CREB5: variants seen among roughly 807,000 people sequenced by gnomAD.
CREB5 encodes the protein cyclic AMP-responsive element-binding protein 5.
CREB5 carries 19 observed loss-of-function variants against 57.1 expected under a neutral mutation model. The observed-to-expected ratio is 0.33, with a 90% CI of 0.23 to 0.49. CREB5 has a LOEUF of 0.49. Among genes scored for constraint, CREB5 ranks in the 20% least tolerant of loss-of-function variants. The pLI is 0.99. For missense variants in CREB5, 579 were observed against 671.6 expected (o/e 0.86, Z 1.52); for synonymous variants, 238 against 238.3 (o/e 1.00, Z 0.01).
intron 5 of CREB5, among the ~76,000 whole-genome samples, chr7:28,586,478 C>A (rs879699025): frequency 1.3e-5 from 2 of 152,330 alleles, no homozygotes; most frequent in Admixed American, 1.3e-4. Context: ...CTCTGGACAG[C>A]CCCCTTCCCT....
At chr7:28,560,855 T>TGCGTGCGTGCGCGTGCGTGCGTGCGCGC (rs1554344299) in intron 4 of CREB5, among the ~76,000 whole-genome samples, 3 of 56,388 alleles carry the variant, frequency 5.3e-5, no homozygotes, top group African/African-American at 7.1e-5. Context: ...CGCGTGTGTG[T>TGCGTGCGTGCGCGTGCGTGCGTGCGCGC]GTGCGTGTGC....
chr7:28,609,737 G>C (rs904915682), intron 5 of CREB5, among the ~76,000 whole-genome samples: 1 of 152,350 alleles, frequency 6.6e-6, no homozygotes, highest in East Asian at 1.9e-4. Flanking sequence ...ATACTGAGCT[G>C]CAAAGGTCGT....
intron 5 of CREB5, among the ~76,000 whole-genome samples, chr7:28,576,114 A>T (rs940199995): frequency 6.6e-6 from 1 of 152,112 alleles, no homozygotes; most frequent in African/African-American, 2.4e-5. Flanking sequence ...TCAGGCAAGC[A>T]TTGTGTCTTA....
intron 5 of CREB5, among the ~76,000 whole-genome samples, chr7:28,661,415 C>T (rs1343454395): frequency 1.3e-5 from 2 of 152,092 alleles, no homozygotes; most frequent in African/African-American, 4.8e-5. Flanking sequence ...TCTCTCATTT[C>T]TCTACCCACC....
intron 1 of CREB5, among the ~76,000 whole-genome samples, chr7:28,406,893 G>T (rs563404363): frequency 2.7e-5 from 4 of 147,044 alleles, no homozygotes; most frequent in South Asian, 2.2e-4. Flanking sequence ...TGGGGTAAAG[G>T]TTCCCTTTTC....
chr7:28,616,678 T>C (rs1797607800), intron 5 of CREB5, among the ~76,000 whole-genome samples: 1 of 152,090 alleles, frequency 6.6e-6, no homozygotes, highest in African/African-American at 2.4e-5. Context: ...AGAGAGGCAG[T>C]TTTTTCTATT....
chr7:28,410,635 G>A (rs762759815), upstream of CREB5: 3 of 442,574 alleles, frequency 6.8e-6, no homozygotes, highest in Non-Finnish European at 9.2e-6. Flanking sequence ...GCTCAAGGCC[G>A]GGGACTGGAG....
At chr7:28,531,022 T>C (rs1347646003) in intron 4 of CREB5, among the ~76,000 whole-genome samples, 1 of 152,156 alleles carries the variant, frequency 6.6e-6, no homozygotes, top group Non-Finnish European at 1.5e-5. Flanking sequence ...TACTGGGGAA[T>C]GTGCTTTTTG....
intron 5 of CREB5, among the ~76,000 whole-genome samples, chr7:28,702,818 T>C (rs1208312648): frequency 6.6e-6 from 1 of 152,120 alleles, no homozygotes; most frequent in Non-Finnish European, 1.5e-5. Flanking sequence ...AAAGAAAATT[T>C]TAAGAAAGAG....
intron 5 of CREB5, among the ~76,000 whole-genome samples, chr7:28,680,765 T>C (rs1282278273): frequency 8.9e-6 from 1 of 111,862 alleles, no homozygotes; most frequent in Admixed American, 9.9e-5. Flanking sequence ...TATCAACCTA[T>C]CTCAAAAAAA....
At chr7:28,353,000 G>T (rs1786264423) in intron 1 of CREB5, among the ~76,000 whole-genome samples, 1 of 152,216 alleles carries the variant, frequency 6.6e-6, no homozygotes, top group Admixed American at 6.5e-5. Flanking sequence ...CAGTTGAAGT[G>T]AAAGAAATGG....
At chr7:28,374,113 A>C (rs1786774077) in intron 1 of CREB5, among the ~76,000 whole-genome samples, 1 of 152,172 alleles carries the variant, frequency 6.6e-6, no homozygotes. Flanking sequence ...TAAGCATATA[A>C]AAAGTGCTTT....
chr7:28,651,907 A>C (rs1799142317), intron 5 of CREB5, among the ~76,000 whole-genome samples: 1 of 152,178 alleles, frequency 6.6e-6, no homozygotes, highest in South Asian at 2.1e-4. Flanking sequence ...GAATCATGAG[A>C]GCTGAATTCC....
intron 7 of CREB5, among the ~76,000 whole-genome samples, chr7:28,744,813 A>G (rs1050056425): frequency 3.9e-5 from 6 of 152,240 alleles, no homozygotes; most frequent in African/African-American, 1.4e-4. Context: ...AATCTTAAAC[A>G]AAATCCTAAC....
intron 5 of CREB5, among the ~76,000 whole-genome samples, chr7:28,706,152 C>T (rs558169011): frequency 1.3e-5 from 2 of 152,134 alleles, no homozygotes; most frequent in Non-Finnish European, 2.9e-5. Context: ...GTCCGGAGTT[C>T]GAGACCAGCT....
chr7:28,680,369 T>C (rs1033676900), intron 5 of CREB5, among the ~76,000 whole-genome samples: 6 of 152,176 alleles, frequency 3.9e-5, no homozygotes, highest in African/African-American at 1.4e-4. Context: ...CTATGCCTTG[T>C]CTTGGCTCCA....
intron 1 of CREB5, among the ~76,000 whole-genome samples, chr7:28,461,824 A>G (rs1230082644): frequency 6.6e-6 from 1 of 152,190 alleles, no homozygotes; most frequent in East Asian, 1.9e-4. Context: ...TTTTTCAAAC[A>G]GGAAAATGGG....
At chr7:28,669,588 TCGG>T (rs1049722531) in intron 5 of CREB5, among the ~76,000 whole-genome samples, 47 of 151,374 alleles carry the variant, frequency 3.1e-4, no homozygotes, top group African/African-American at 9.8e-4. Context: ...CTTCTGAAAA[TCGG>T]AAGTTATTTC....
chr7:28,737,946 C>A (rs544871539), intron 7 of CREB5, among the ~76,000 whole-genome samples: 1 of 152,064 alleles, frequency 6.6e-6, no homozygotes, highest in Admixed American at 6.5e-5. Flanking sequence ...TTTTAGAAAA[C>A]AGAGCTCAGT....
Sources: gnomAD v4.1 joint callset for allele counts (sites outside exome capture counted in the v4.1 genomes callset) on GRCh38, gnomAD v4.1.1 for gene constraint, MANE v1.5 for transcripts, NCBI Gene and HGNC (gene_info 2026-07-23, HGNC 2026-07-21) for gene names.